NUP210L: variants seen among roughly 807,000 people sequenced by gnomAD.
NUP210L encodes the protein nucleoporin 210 like, also known as nuclear pore membrane glycoprotein 210-like.
In NUP210L, 74 loss-of-function variants were observed where a neutral mutation model predicts 208.5. The ratio of observed to expected loss-of-function variants is 0.35; its 90% CI spans 0.29 to 0.43. NUP210L has a LOEUF of 0.43. Among genes scored for constraint, NUP210L ranks in the 20% least tolerant of loss-of-function variants. NUP210L has a pLI of 1.00. For missense variants in NUP210L, 1,843 were observed against 2,289.4 expected (o/e 0.81, Z 3.98); for synonymous variants, 780 against 816.9 (o/e 0.95, Z 0.77).
intron 2 of NUP210L, among the ~76,000 whole-genome samples, chr1:154,149,436 C>G (rs1659278796): frequency 1.3e-5 from 2 of 152,266 alleles, no homozygotes; most frequent in East Asian, 3.9e-4. Flanking sequence ...AAAAACTGCC[C>G]AGTACAATGG....
intron 10 of NUP210L, among the ~76,000 whole-genome samples, chr1:154,121,659 G>C (rs1254230444): frequency 1.3e-5 from 2 of 152,142 alleles, no homozygotes; most frequent in Non-Finnish European, 2.9e-5. Flanking sequence ...CTGAGGTCAG[G>C]AGTTTGAGAC....
chr1:154,094,957 T>C (rs763136075), exon 15 of NUP210L: 61 of 1,613,952 alleles, frequency 3.8e-5, no homozygotes, highest in Non-Finnish European at 5.1e-5. Context: ...ATCCAGGCAT[T>C]GGATCCGGTA....
intron 29 of NUP210L, among the ~76,000 whole-genome samples, chr1:154,027,086 AAAAAAAAAAAC>A (rs1651928101): frequency 1.4e-5 from 2 of 145,128 alleles, no homozygotes; most frequent in South Asian, 4.4e-4. Flanking sequence ...GTCTCAAAAA[AAAAAAAAAAAC>A]AAAAAAAAAA....
chr1:154,022,209 A>T (rs1215989009), exon 32 of NUP210L: 1 of 1,614,060 alleles, frequency 6.2e-7, no homozygotes, highest in African/African-American at 1.3e-5. Flanking sequence ...GGCATGCTCT[A>T]CAGCAACAGG....
At chr1:154,141,824 G>C (rs1160965502) in intron 3 of NUP210L, among the ~76,000 whole-genome samples, 1 of 152,168 alleles carries the variant, frequency 6.6e-6, no homozygotes, top group African/African-American at 2.4e-5. Flanking sequence ...CCTCATGGTT[G>C]ACAAAGCATC....
Position 154,099,990 on chromosome 1 carries a change from T to G in NUP210L, c.1965+8A>C. ...GAAATGCCAGTTCCTTACCATGAAA[T>G]ATCTTACCTTTAGGGGTTCATAAGC... On this transcript the variant is annotated splice_region_variant and intron_variant, in intron 14 of 39. Coordinates refer to ENST00000368559, the Ensembl canonical transcript of NUP210L. The G allele has an allele frequency of 6.2e-7, 1 of 1,613,852 alleles. No individual in the cohort carries two copies. The highest frequency in any genetic ancestry group is 8.5e-7 in the Non-Finnish European group (1 of 1,179,780).
In NUP210L at chr1:154,142,900, A is replaced by AG. The variant is rs539808138; in HGVS notation, c.472+545dup. On this transcript the variant is annotated intron_variant, in intron 3 of 39. Transcript: ENST00000368559. ...CGAGACTCCATCTCAAAAAAAAAAA[A>AG]GAAAGTGGCCAGGCGCGGTGGCTCA... 1.6e-3 allele frequency among the ~76,000 whole-genome samples: 243 copies of AG among 151,236 alleles called. 1 individual carries two copies. The highest frequency in any genetic ancestry group is 5.7e-3 in the African/African-American group (236 of 41,178).
chr1:154,149,239 C>A (rs889923786), intron 2 of NUP210L, among the ~76,000 whole-genome samples: 1 of 152,068 alleles, frequency 6.6e-6, no homozygotes, highest in Non-Finnish European at 1.5e-5. Context: ...GTGCCCATCA[C>A]CACGCCCAGC....
chr1:154,128,846 C>CAAACAA (rs753208324), intron 8 of NUP210L, among the ~76,000 whole-genome samples: 6 of 152,160 alleles, frequency 3.9e-5, no homozygotes, highest in South Asian at 4.2e-4. Flanking sequence ...GACCCTGTCT[C>CAAACAA]AAACAAAAAC....
intron 29 of NUP210L, among the ~76,000 whole-genome samples, chr1:154,026,755 G>C (rs185027425): frequency 1.3e-5 from 2 of 152,234 alleles, no homozygotes; most frequent in Admixed American, 6.6e-5. Flanking sequence ...GCTACAACAT[G>C]GATGAACCTC....
chr1:153,993,738 A>C (rs1453623218), intron 38 of NUP210L, among the ~76,000 whole-genome samples: 4 of 151,868 alleles, frequency 2.6e-5, no homozygotes, highest in African/African-American at 7.3e-5. Flanking sequence ...CATGCCACTA[A>C]AAATAAAAAA....
chr1:154,049,836 CTG>C (rs1653388569), intron 25 of NUP210L, among the ~76,000 whole-genome samples: 1 of 152,166 alleles, frequency 6.6e-6, no homozygotes, highest in Non-Finnish European at 1.5e-5. Flanking sequence ...CTTAGCAAGA[CTG>C]TGAATGGTTT....
rs149377043 is a variant in NUP210L, at chr1:154,086,879, G to A, written c.2361+2542C>T. On this transcript the variant is annotated intron_variant, in intron 16 of 39. Coordinates refer to ENST00000368559, the Ensembl canonical transcript of NUP210L. ...GAACATTTTTGCAAATCATATATCT[G>A]AAAAGAGACTTGTATGTAGACTATA... 7.4e-4 allele frequency among the ~76,000 whole-genome samples: 113 copies of A among 151,876 alleles called. 1 individual carries two copies. Among genetic ancestry groups the A allele is most frequent in the African/African-American group, 2.7e-3 (110 of 41,446 alleles).
At chr1:154,003,431 C>T (rs979867945) in intron 35 of NUP210L, among the ~76,000 whole-genome samples, 17 of 151,978 alleles carry the variant, frequency 1.1e-4, no homozygotes, top group Admixed American at 9.2e-4. Flanking sequence ...TGGTCTCGAT[C>T]TCCTGACCTC....
chr1:154,018,471 G>A (rs1373277687), intron 33 of NUP210L, among the ~76,000 whole-genome samples: 5 of 152,012 alleles, frequency 3.3e-5, no homozygotes, highest in East Asian at 1.9e-4. Flanking sequence ...TTCAGTTGAC[G>A]GTAATGCTGT....
chr1:154,057,056 G>T, intron 22 of NUP210L, 109 bp from the exon 23 acceptor site: 1 of 1,066,206 alleles, frequency 9.4e-7, no homozygotes, highest in Non-Finnish European at 1.4e-6. Context: ...TCAGCTCATT[G>T]CAGCCTCAAC....
intron 27 of NUP210L, among the ~76,000 whole-genome samples, chr1:154,035,128 C>T (rs1475341573): frequency 6.6e-6 from 1 of 152,112 alleles, no homozygotes; most frequent in Non-Finnish European, 1.5e-5. Context: ...GCGTGAGCCA[C>T]CACGCCCAGC....
At chr1:154,073,594 C>T (rs565873356) in intron 16 of NUP210L, among the ~76,000 whole-genome samples, 1 of 151,970 alleles carries the variant, frequency 6.6e-6, no homozygotes, top group East Asian at 1.9e-4. Context: ...GCGAGCAGAT[C>T]ACTTGAGGTC....
intron 7 of NUP210L, among the ~76,000 whole-genome samples, chr1:154,129,772 G>C (rs1483191525): frequency 6.6e-6 from 1 of 152,180 alleles, no homozygotes; most frequent in Non-Finnish European, 1.5e-5. Context: ...TTGCCATCCA[G>C]CAACATGCCT....
Sources: allele counts gnomAD v4.1 joint callset (sites outside exome capture counted in the v4.1 genomes callset), GRCh38; gene constraint gnomAD v4.1.1; transcripts MANE v1.5; gene names NCBI Gene and HGNC (gene_info 2026-07-23, HGNC 2026-07-21).